DTNB: variants seen among roughly 807,000 people sequenced by gnomAD.
DTNB encodes the protein dystrobrevin beta, also known as DTN-B.
Under a neutral mutation model 90.7 loss-of-function variants are expected in DTNB, and 63 were observed. The ratio of observed to expected loss-of-function variants is 0.69; its 90% CI spans 0.57 to 0.86. The LOEUF (loss-of-function observed/expected upper bound fraction) is 0.86, where lower values mean the gene tolerates loss of function less well. DTNB is among the 40% of genes least tolerant of loss of function. The pLI is 0.00. For missense variants in DTNB, 744 were observed against 807.1 expected (o/e 0.92, Z 0.95); for synonymous variants, 277 against 286.7 (o/e 0.97, Z 0.34).
chr2:25,609,180 C>T (rs2067832559), intron 4 of DTNB, among the ~76,000 whole-genome samples: 1 of 152,138 alleles, frequency 6.6e-6, no homozygotes, highest in Non-Finnish European at 1.5e-5. Context: ...AATTAATTAG[C>T]CAGAGATGGT....
intron 8 of DTNB, among the ~76,000 whole-genome samples, chr2:25,572,411 T>G (rs1437043849): frequency 6.7e-6 from 1 of 149,428 alleles, no homozygotes; most frequent in Non-Finnish European, 1.5e-5. Context: ...AGCTTGCAGT[T>G]AGCCGAGATC....
At chr2:25,616,574 T>C (rs572814056) in intron 4 of DTNB, among the ~76,000 whole-genome samples, 1 of 142,374 alleles carries the variant, frequency 7.0e-6, no homozygotes, top group East Asian at 2.0e-4. Context: ...CAATGGCTGG[T>C]CTCCGATGAA....
chr2:25,553,587 A>G (rs898023101), intron 8 of DTNB, among the ~76,000 whole-genome samples: 1 of 151,814 alleles, frequency 6.6e-6, no homozygotes, highest in Non-Finnish European at 1.5e-5. Context: ...AAAATACAAA[A>G]AAATTAGCCG....
chr2:25,538,276 A>G (rs1396717402), intron 8 of DTNB, among the ~76,000 whole-genome samples: 4 of 152,136 alleles, frequency 2.6e-5, no homozygotes, highest in African/African-American at 9.7e-5. Context: ...GTGATGACAC[A>G]TGCCTGTAGT....
intron 9 of DTNB, among the ~76,000 whole-genome samples, chr2:25,483,916 C>T (rs2065514716): frequency 1.3e-5 from 2 of 152,188 alleles, no homozygotes; most frequent in Admixed American, 6.5e-5. Flanking sequence ...TTTTACTGTA[C>T]CTTTTCTATG....
In DTNB at chr2:25,482,811, G is replaced by A. The variant is rs2065241240; in HGVS notation, c.1064C>T (p.Pro355Leu). The A allele has an allele frequency of 6.2e-7, 1 of 1,613,514 alleles. No homozygotes were observed. The highest frequency in any genetic ancestry group is 8.5e-7 in the Non-Finnish European group (1 of 1,179,770). The change falls in exon 10 of 21, where the codon CCC (proline) becomes CTC (leucine). Residue 355 changes from proline to leucine, a missense_variant. Transcript: ENST00000406818. ...TMVSHMSSGVPTPTKRLQYSQ... is the reference protein window; with the variant it reads ...TMVSHMSSGVLTPTKRLQYSQ... Reference sequence around the variant, plus strand: ...ACATACGTACCTCTTGGTGGGAGTGGGCACTCCAGAGGACATGTGGCTAAC... The same window carrying A: ...ACATACGTACCTCTTGGTGGGAGTGAGCACTCCAGAGGACATGTGGCTAAC...
At chr2:25,518,099 T>A (rs1459743637) in intron 9 of DTNB, among the ~76,000 whole-genome samples, 1 of 152,122 alleles carries the variant, frequency 6.6e-6, no homozygotes, top group Non-Finnish European at 1.5e-5. Flanking sequence ...TGGAAAAAGT[T>A]CTGAAGATCT....
At position 25,526,521 on chromosome 2, in the gene DTNB, G is replaced by C. The variant is rs530660581; in HGVS notation, c.1001+4952C>G. 1.9e-3 allele frequency among the ~76,000 whole-genome samples: 292 copies of C among 151,018 alleles called. 1 individual carries two copies. Among genetic ancestry groups the C allele is most frequent in the African/African-American group, 6.9e-3 (284 of 41,030 alleles). On this transcript the variant is annotated intron_variant, in intron 9 of 20. Transcript: ENST00000406818. ...AGTGAGTCTTCTGCCTCAGCCTCCC[G>C]AGTAGCCGGGATTACAGGCACTGGC...
intron 9 of DTNB, among the ~76,000 whole-genome samples, chr2:25,515,545 T>C (rs548517653): frequency 6.6e-6 from 1 of 152,184 alleles, no homozygotes; most frequent in South Asian, 2.1e-4. Flanking sequence ...TTTCAACAAC[T>C]GGTGCTTAGA....
At chr2:25,498,634 C>T (rs2069593628) in intron 9 of DTNB, among the ~76,000 whole-genome samples, 1 of 151,442 alleles carries the variant, frequency 6.6e-6, no homozygotes, top group Admixed American at 6.6e-5. Context: ...CTGCTTGAGC[C>T]CAAGAGTTTG....
intron 12 of DTNB, among the ~76,000 whole-genome samples, chr2:25,435,797 T>C (rs567656509): frequency 6.6e-6 from 1 of 152,342 alleles, no homozygotes; most frequent in African/African-American, 2.4e-5. Flanking sequence ...ACTGCCAAAC[T>C]GTTTTCAAAA....
chr2:25,491,138 C>CAA (rs150260864), intron 9 of DTNB, among the ~76,000 whole-genome samples: 1 of 26,746 alleles, frequency 3.7e-5, no homozygotes, highest in Non-Finnish European at 6.8e-5. Flanking sequence ...GTTATATGAG[C>CAA]ACACACACAC....
intron 10 of DTNB, among the ~76,000 whole-genome samples, chr2:25,461,793 T>C (rs1458149184): frequency 1.3e-5 from 2 of 152,166 alleles, no homozygotes; most frequent in African/African-American, 4.8e-5. Flanking sequence ...CTTGCAAATG[T>C]AGTAAGTGTT....
chr2:25,652,704 C>A (rs1245970752), intron 1 of DTNB, 43 bp from the exon 2 acceptor site: 11 of 1,588,072 alleles, frequency 6.9e-6, no homozygotes, highest in Non-Finnish European at 9.4e-6. Context: ...TATAATTCGA[C>A]AATTCAATCA....
At chr2:25,662,597 G>T (rs1384115060) in intron 1 of DTNB, among the ~76,000 whole-genome samples, 1 of 151,364 alleles carries the variant, frequency 6.6e-6, no homozygotes, top group Non-Finnish European at 1.5e-5. Flanking sequence ...GGACCTAGGT[G>T]CCTCCTCATC....
chr2:25,480,276 C>G (rs567348187), intron 10 of DTNB, among the ~76,000 whole-genome samples: 5 of 152,296 alleles, frequency 3.3e-5, no homozygotes, highest in African/African-American at 1.2e-4. Flanking sequence ...CTTCTCTGGT[C>G]TGCCCTCTGG....
At position 25,572,233 on chromosome 2, in the gene DTNB, C is replaced by T. The variant is rs140925437; in HGVS notation, c.876+4605G>A. On this transcript the variant is annotated intron_variant, in intron 8 of 20. Transcript: ENST00000406818. ...CTGTAATCCCAGCACTTTGGGAGGC[C>T]GAGGCAGGTGGATCACGAGGTCAGG... Among the ~76,000 whole-genome samples, 72 of 152,094 alleles carry T rather than the reference C, an allele frequency of 4.7e-4. 1 individual carries two copies. Among genetic ancestry groups the T allele is most frequent in the African/African-American group, 1.7e-3 (71 of 41,496 alleles).
At chr2:25,667,763 T>C (rs2084826416) in intron 1 of DTNB, among the ~76,000 whole-genome samples, 1 of 152,158 alleles carries the variant, frequency 6.6e-6, no homozygotes, top group South Asian at 2.1e-4. Context: ...ATCACTCTCC[T>C]AGGTATTTTC....
At chr2:25,660,795 T>C (rs2149002596) in intron 1 of DTNB, among the ~76,000 whole-genome samples, 2 of 152,346 alleles carry the variant, frequency 1.3e-5, no homozygotes, top group South Asian at 4.1e-4. Flanking sequence ...TGGACAGTGT[T>C]GCTACAAAAC....
Sources: allele counts gnomAD v4.1 joint callset (sites outside exome capture counted in the v4.1 genomes callset), GRCh38; gene constraint gnomAD v4.1.1; transcripts MANE v1.5; gene names NCBI Gene and HGNC (gene_info 2026-07-23, HGNC 2026-07-21).